The following MTA3 variants were observed in gnomAD, a reference collection of about 807,000 sequenced individuals.
MTA3 encodes the protein metastasis associated 1 family member 3, also known as metastasis-associated protein MTA3.
In MTA3, 34 loss-of-function variants were observed where a neutral mutation model predicts 83.5. The ratio of observed to expected loss-of-function variants is 0.41; its 90% CI spans 0.31 to 0.54. The LOEUF is 0.54. Ranked by LOEUF, MTA3 falls within the 20% of genes least tolerant of loss-of-function variation. The pLI is 0.33. For missense variants in MTA3, 761 were observed against 726.4 expected (o/e 1.05, Z -0.55); for synonymous variants, 303 against 252.7 (o/e 1.20, Z -1.89).
At chr2:42,629,791 T>G (rs1375550692) in intron 4 of MTA3, among the ~76,000 whole-genome samples, 1 of 152,118 alleles carries the variant, frequency 6.6e-6, no homozygotes, top group Non-Finnish European at 1.5e-5. Context: ...AACAATTTTT[T>G]TTTTTGAGGT....
At chr2:42,639,337 A>AAT (rs1243381232) in intron 4 of MTA3, among the ~76,000 whole-genome samples, 1 of 151,998 alleles carries the variant, frequency 6.6e-6, no homozygotes, top group Non-Finnish European at 1.5e-5. Context: ...GACATTTTAA[A>AAT]GAAACATTGT....
intron 8 of MTA3, among the ~76,000 whole-genome samples, chr2:42,676,640 C>T (rs889957777): frequency 6.6e-6 from 1 of 152,104 alleles, no homozygotes; most frequent in Non-Finnish European, 1.5e-5. Context: ...GTGGCATGCA[C>T]CTGTAGTCCC....
chr2:42,588,110 A>G (rs958675447), intron 3 of MTA3, among the ~76,000 whole-genome samples: 8 of 152,146 alleles, frequency 5.3e-5, no homozygotes, highest in Non-Finnish European at 1.0e-4. Flanking sequence ...TTTCATAGGA[A>G]ATCTTAAGCT....
intron 4 of MTA3, among the ~76,000 whole-genome samples, chr2:42,617,309 T>TACAGAA (rs1685018874): frequency 6.6e-6 from 1 of 152,288 alleles, no homozygotes; most frequent in Non-Finnish European, 1.5e-5. Context: ...TTACAGAACT[T>TACAGAA]CTCACACAAG....
chr2:42,684,618 A>T (rs13423676), intron 9 of MTA3, among the ~76,000 whole-genome samples: 17,885 of 152,240 alleles, frequency 0.12, 1,274 homozygotes, highest in Middle Eastern at 0.22. Context: ...CAAAGAATGA[A>T]ACCTAACAAA....
chr2:42,687,193 T>G (rs1692456984), intron 9 of MTA3, among the ~76,000 whole-genome samples: 1 of 152,108 alleles, frequency 6.6e-6, no homozygotes, highest in Admixed American at 6.6e-5. Context: ...TCCCGTCAAG[T>G]CTCCCCTTTT....
chr2:42,753,351 A>G (rs1266646265), intron 16 of MTA3, 23 bp from the exon 17 acceptor site: 1 of 1,550,464 alleles, frequency 6.4e-7, no homozygotes, highest in Non-Finnish European at 8.7e-7. Flanking sequence ...TTTAACCTTC[A>G]CACTGTTACT....
chr2:42,539,040 C>T (rs375966694), intron 2 of MTA3, among the ~76,000 whole-genome samples: 2 of 151,920 alleles, frequency 1.3e-5, no homozygotes, highest in Admixed American at 6.6e-5. Flanking sequence ...TCCCAAAGTG[C>T]TGGGATTACA....
intron 2 of MTA3, among the ~76,000 whole-genome samples, chr2:42,573,378 C>G (rs1678700874): frequency 6.6e-6 from 1 of 152,168 alleles, no homozygotes; most frequent in Non-Finnish European, 1.5e-5. Flanking sequence ...CAGGGTCTCA[C>G]TCTGTCACCC....
rs1231805081 is a variant in MTA3, at chr2:42,555,649, TC to T, written c.-140-14785del. Among the ~76,000 whole-genome samples, 4 of 150,380 alleles carry T rather than the reference TC, an allele frequency of 2.7e-5. No homozygotes were observed. The East Asian group carries it at 7.7e-4, about 29-fold the overall frequency. On this transcript the variant is annotated intron_variant, in intron 2 of 17. Transcript: ENST00000405592. Reference sequence around the variant, plus strand: ...CAGGTGTGGTGGCAGGCGCCTGTAGTCCCAGCTACTTGGGAGGCTGAGGCAG... The same window carrying T: ...CAGGTGTGGTGGCAGGCGCCTGTAGTCCAGCTACTTGGGAGGCTGAGGCAG...
At chr2:42,581,789 G>A (rs1391321648) in intron 3 of MTA3, 2 of 284,522 alleles carry the variant, frequency 7.0e-6, no homozygotes, top group Non-Finnish European at 1.4e-5. Flanking sequence ...ATTTAGAGAC[G>A]GAGTTTCGCT....
At chr2:42,629,460 G>T (rs1343211763) in intron 4 of MTA3, among the ~76,000 whole-genome samples, 1 of 151,944 alleles carries the variant, frequency 6.6e-6, no homozygotes, top group African/African-American at 2.4e-5. Flanking sequence ...AATTTTTTTT[G>T]GTAGTGTAAT....
chr2:42,743,704 T>C (rs567662041), intron 16 of MTA3, among the ~76,000 whole-genome samples: 8 of 152,346 alleles, frequency 5.3e-5, no homozygotes, highest in African/African-American at 1.9e-4. Context: ...AAGATTGTCC[T>C]TCTGATGGCT....
chr2:42,500,042 G>A (rs1249433396), intron 2 of MTA3, among the ~76,000 whole-genome samples: 3 of 151,928 alleles, frequency 2.0e-5, no homozygotes, highest in East Asian at 1.9e-4. Flanking sequence ...GCAGAGGCAG[G>A]TGGATCATTT....
intron 2 of MTA3, among the ~76,000 whole-genome samples, chr2:42,501,803 CCCTGTCT>C (rs961914497): frequency 1.4e-4 from 22 of 152,028 alleles, no homozygotes; most frequent in African/African-American, 5.3e-4. Context: ...CATGGTGAAA[CCCTGTCT>C]CTCCTAAAAG....
At chr2:42,635,876 G>T (rs1314824127) in intron 4 of MTA3, among the ~76,000 whole-genome samples, 2 of 151,816 alleles carry the variant, frequency 1.3e-5, no homozygotes, top group South Asian at 2.1e-4. Flanking sequence ...AGCAGTTCTT[G>T]TGCCACAGCC....
chr2:42,580,474 C>T (rs757495118), intron 3 of MTA3, among the ~76,000 whole-genome samples: 12 of 151,958 alleles, frequency 7.9e-5, no homozygotes, highest in East Asian at 7.7e-4. Context: ...TGGGTTCAGG[C>T]GACTCTCCTG....
chr2:42,540,870 C>T (rs1458162414), intron 2 of MTA3, among the ~76,000 whole-genome samples: 8 of 151,752 alleles, frequency 5.3e-5, no homozygotes. Context: ...AGTTTTTTCC[C>T]AAATTGATAA....
intron 11 of MTA3, chr2:42,702,737 T>A (rs1665698177): frequency 6.6e-6 from 1 of 152,162 alleles, no homozygotes; most frequent in African/African-American, 2.4e-5. Context: ...TTAAATGAAT[T>A]ATGAATTTAT....
Sources: gnomAD v4.1 joint callset for allele counts (sites outside exome capture counted in the v4.1 genomes callset) on GRCh38, gnomAD v4.1.1 for gene constraint, MANE v1.5 for transcripts, NCBI Gene and HGNC (gene_info 2026-07-23, HGNC 2026-07-21) for gene names.